Variants in SNTG1 observed in about 807,000 individuals in gnomAD.
SNTG1 encodes syntrophin gamma 1, also known as gamma-1-syntrophin.
SNTG1 carries 39 observed loss-of-function variants against 74.7 expected under a neutral mutation model. The ratio of observed to expected loss-of-function variants is 0.52; its 90% CI spans 0.40 to 0.68. The LOEUF (loss-of-function observed/expected upper bound fraction) is 0.68. Ranked by LOEUF, SNTG1 falls within the 30% of genes least tolerant of loss-of-function variation. The pLI, the probability that SNTG1 is intolerant of heterozygous loss-of-function variation, is 0.00. For missense variants in SNTG1, 685 were observed against 609.5 expected (o/e 1.12, Z -1.30); for synonymous variants, 254 against 217.1 (o/e 1.17, Z -1.49).
chr8:50,323,679 G>A (rs1323756846), intron 2 of SNTG1, among the ~76,000 whole-genome samples: 1 of 152,138 alleles, frequency 6.6e-6, no homozygotes, highest in African/African-American at 2.4e-5. Flanking sequence ...CCAGGAACTA[G>A]GGATGTGGTG....
intron 15 of SNTG1, among the ~76,000 whole-genome samples, chr8:50,691,004 G>A (rs184539360): frequency 1.7e-4 from 26 of 152,168 alleles, no homozygotes; most frequent in African/African-American, 5.5e-4. Flanking sequence ...ATTATGTAAC[G>A]GCCTTCTTTG....
chr8:50,301,882 A>T (rs2089666668), intron 2 of SNTG1, among the ~76,000 whole-genome samples: 1 of 150,054 alleles, frequency 6.7e-6, no homozygotes, highest in African/African-American at 2.5e-5. Flanking sequence ...TTTGAGACAG[A>T]GTCTCGCTCT....
chr8:50,079,930 A>G (rs201576932), intron 1 of SNTG1, among the ~76,000 whole-genome samples: 2 of 152,154 alleles, frequency 1.3e-5, no homozygotes, highest in African/African-American at 4.8e-5. Context: ...TATTAGTACT[A>G]TGCTGTTTTG....
At chr8:50,755,260 C>T (rs2095577430) in intron 18 of SNTG1, among the ~76,000 whole-genome samples, 1 of 151,600 alleles carries the variant, frequency 6.6e-6, no homozygotes, top group African/African-American at 2.4e-5. Flanking sequence ...TTCCTATTCA[C>T]CCCTATCTTC....
intron 1 of SNTG1, among the ~76,000 whole-genome samples, chr8:49,955,353 G>T (rs1012352282): frequency 1.1e-4 from 17 of 152,150 alleles, no homozygotes; most frequent in African/African-American, 3.6e-4. Context: ...GTCCCTGCTG[G>T]CTCGATGGCA....
intron 17 of SNTG1, among the ~76,000 whole-genome samples, chr8:50,717,860 C>G (rs903115760): frequency 6.6e-6 from 1 of 152,112 alleles, no homozygotes; most frequent in African/African-American, 2.4e-5. Flanking sequence ...ATAGTCCCAC[C>G]CACTGCAGTA....
intron 2 of SNTG1, among the ~76,000 whole-genome samples, chr8:50,182,696 ATC>A (rs2083248197): frequency 6.6e-6 from 1 of 151,964 alleles, no homozygotes; most frequent in Middle Eastern, 3.2e-3. Context: ...TCTTAATTTC[ATC>A]TTTTTTGGTC....
At chr8:50,159,627 T>A (rs2082355126) in intron 1 of SNTG1, among the ~76,000 whole-genome samples, 1 of 152,216 alleles carries the variant, frequency 6.6e-6, no homozygotes, top group Non-Finnish European at 1.5e-5. Context: ...CTATTTGACA[T>A]GTATATCAAA....
chr8:50,020,347 C>G (rs986295355), intron 1 of SNTG1, among the ~76,000 whole-genome samples: 1 of 152,102 alleles, frequency 6.6e-6, no homozygotes, highest in Non-Finnish European at 1.5e-5. Flanking sequence ...ATGGGAGACA[C>G]AGACAAGGCT....
chr8:50,745,360 T>C (rs117591410), intron 17 of SNTG1, among the ~76,000 whole-genome samples: 1 of 152,026 alleles, frequency 6.6e-6, no homozygotes, highest in East Asian at 1.9e-4. Flanking sequence ...TTTACATTCA[T>C]TGGGATGGCA....
chr8:50,604,580 G>T (rs2094798995), intron 13 of SNTG1, among the ~76,000 whole-genome samples: 1 of 152,008 alleles, frequency 6.6e-6, no homozygotes, highest in African/African-American at 2.4e-5. Context: ...TTCACTTAAA[G>T]TCCAAGGGCT....
chr8:50,085,218 G>A (rs530250018), intron 1 of SNTG1, among the ~76,000 whole-genome samples: 1 of 152,202 alleles, frequency 6.6e-6, no homozygotes, highest in East Asian at 1.9e-4. Flanking sequence ...GAAAATGTGT[G>A]CAAGTCAGAA....
At chr8:50,777,928 C>T (rs917482461) in intron 18 of SNTG1, among the ~76,000 whole-genome samples, 1 of 151,948 alleles carries the variant, frequency 6.6e-6, no homozygotes, top group Admixed American at 6.6e-5. Context: ...GTTCAATTCC[C>T]ACCTATGAGT....
intron 9 of SNTG1, among the ~76,000 whole-genome samples, chr8:50,508,634 T>C (rs942622370): frequency 2.0e-5 from 3 of 152,224 alleles, no homozygotes; most frequent in Non-Finnish European, 4.4e-5. Flanking sequence ...AGATGGTATC[T>C]CATTGTGGTT....
intron 17 of SNTG1, among the ~76,000 whole-genome samples, chr8:50,715,510 T>C (rs1486062486): frequency 1.3e-5 from 2 of 152,190 alleles, no homozygotes; most frequent in East Asian, 3.8e-4. Context: ...TCAAGATTGG[T>C]TAACAGATCT....
chr8:49,935,725 G>A (rs987454780), intron 1 of SNTG1, among the ~76,000 whole-genome samples: 7 of 152,122 alleles, frequency 4.6e-5, no homozygotes, highest in Non-Finnish European at 7.4e-5. Flanking sequence ...CCAGCCTGCA[G>A]CTCTGGCCCA....
At chr8:50,074,259 C>A (rs1428584308) in intron 1 of SNTG1, among the ~76,000 whole-genome samples, 2 of 152,122 alleles carry the variant, frequency 1.3e-5, no homozygotes, top group Non-Finnish European at 2.9e-5. Context: ...CATGAATCAG[C>A]ACCTGCTAGC....
Position 50,097,630 on chromosome 8 carries a change from C to T in SNTG1, c.-102-74931C>T, listed in dbSNP as rs558281965. On this transcript the variant is annotated intron_variant, in intron 1 of 18. Coordinates refer to ENST00000642720, the MANE Select transcript of SNTG1 (RefSeq NM_018967.5). ...TCGCGCCACAGCACTCCAGCCTGGG[C>T]GACAAAATGAGACTCCGTCTCAAAA... is the stretch of plus-strand genomic sequence containing the variant. Among the ~76,000 whole-genome samples, 12 of 149,940 alleles carry T rather than the reference C, an allele frequency of 8.0e-5. 1 individual carries two copies. The highest frequency in any genetic ancestry group is 2.5e-4 in the African/African-American group (10 of 40,730).
chr8:50,370,226 T>A (rs2092235874), intron 2 of SNTG1, among the ~76,000 whole-genome samples: 1 of 152,184 alleles, frequency 6.6e-6, no homozygotes, highest in South Asian at 2.1e-4. Context: ...CTGGGCGTGC[T>A]ATGAAGGAGC....
Sources: allele counts gnomAD v4.1 joint callset (sites outside exome capture counted in the v4.1 genomes callset), GRCh38; gene constraint gnomAD v4.1.1; transcripts MANE v1.5; gene names NCBI Gene and HGNC (gene_info 2026-07-23, HGNC 2026-07-21).